SLC15A1: variants seen among roughly 807,000 people sequenced by gnomAD.
SLC15A1 encodes Caco-2 oligopeptide transporter.
Under a neutral mutation model 92.9 loss-of-function variants are expected in SLC15A1, and 83 were observed. That is an observed-to-expected ratio of 0.89 (90% CI 0.75 to 1.07). The LOEUF (loss-of-function observed/expected upper bound fraction) is 1.07, where lower values mean the gene tolerates loss of function less well. Among genes scored for constraint, SLC15A1 ranks in the 50% least tolerant of loss-of-function variants. SLC15A1 has a pLI of 0.00. For synonymous variants in SLC15A1, 322 were observed against 318.2 expected, an observed-to-expected ratio of 1.01 and a Z score of -0.13; for missense variants, 857 against 880.1, an observed-to-expected ratio of 0.97 and a Z score of 0.33.
intron 16 of SLC15A1, among the ~76,000 whole-genome samples, chr13:98,705,595 A>T (rs576829195): frequency 5.3e-4 from 81 of 152,288 alleles, no homozygotes; most frequent in Non-Finnish European, 6.8e-4. Context: ...CCTGCTGATT[A>T]AAAATCTGCA....
At position 98,688,517 on chromosome 13, in the gene SLC15A1, G is replaced by C. The variant is rs8187832; in HGVS notation, c.1527C>G (p.Asn509Lys). The C allele has an allele frequency of 3.3e-5, 53 of 1,614,010 alleles. No homozygotes were observed. Among genetic ancestry groups the C allele is most frequent in the Non-Finnish European group, 4.2e-5 (50 of 1,179,980 alleles). Residue 509 changes from asparagine (N) to lysine (K), a missense_variant, in exon 19 of 23, where the codon AAC (asparagine) becomes AAG (lysine). Physicochemically the swap from Asn to Lys is moderately conservative, Grantham distance 94 (BLOSUM62 0). Coordinates refer to ENST00000376503, the MANE Select transcript of SLC15A1 (RefSeq NM_005073.4). ...TITMSGKVYANISSYNASTYQ... is the reference protein window; with the variant it reads ...TITMSGKVYAKISSYNASTYQ... ...ATGTGCTGGCATTGTAGCTGCTGATGTTTGCATAAACTTTCCCACTCATTG... is the reference window on the plus strand; with the variant it reads ...ATGTGCTGGCATTGTAGCTGCTGATCTTTGCATAAACTTTCCCACTCATTG...
chr13:98,720,832 C>A (rs1218281079), intron 7 of SLC15A1: 2 of 305,756 alleles, frequency 6.5e-6, no homozygotes, highest in Admixed American at 4.2e-5. Context: ...AGGCAGATCA[C>A]GAGGGCAGGA....
chr13:98,728,433 T>A (rs764280898), intron 1 of SLC15A1, among the ~76,000 whole-genome samples: 6 of 152,152 alleles, frequency 3.9e-5, no homozygotes, highest in Non-Finnish European at 8.8e-5. Context: ...CTGGAGGACA[T>A]CAGGTTAAGT....
At chr13:98,715,580 A>C (rs1316724298) in intron 9 of SLC15A1, among the ~76,000 whole-genome samples, 1 of 152,184 alleles carries the variant, frequency 6.6e-6, no homozygotes, top group Admixed American at 6.5e-5. Context: ...TTTTTGATTC[A>C]CTGCTCCCTG....
intron 18 of SLC15A1, among the ~76,000 whole-genome samples, chr13:98,692,039 C>G (rs1031540750): frequency 2.0e-5 from 3 of 150,904 alleles, no homozygotes; most frequent in Non-Finnish European, 1.5e-5. Flanking sequence ...CACCATTGTA[C>G]TCCAGCCTAG....
chr13:98,685,194 G>A (rs577169386), intron 22 of SLC15A1, among the ~76,000 whole-genome samples: 1 of 152,324 alleles, frequency 6.6e-6, no homozygotes, highest in African/African-American at 2.4e-5. Context: ...CTGAAATACT[G>A]AAGCCTTAAG....
chr13:98,726,305 T>C (rs1183447112), intron 3 of SLC15A1, 41 bp from the exon 4 acceptor site: 15 of 1,612,956 alleles, frequency 9.3e-6, no homozygotes, highest in Non-Finnish European at 1.3e-5. Flanking sequence ...GGAAACAAAG[T>C]TAGGACTGGT....
Position 98,688,356 on chromosome 13 carries a change from T to C in SLC15A1, c.1575A>G (p.Ile525Met). The C allele has an allele frequency of 6.2e-7, 1 of 1,612,148 alleles. No homozygotes were observed. The highest frequency in any genetic ancestry group is 2.2e-5 in the East Asian group (1 of 44,840). ...CTGTTGAGCTTATTGTGAAGCCTTT[T>C]CTATCAAAATAAAGAATAATATTGG... ...ASTYQFFPSG[I>M]KGFTISSTEI... Residue 525 changes from isoleucine to methionine, a missense_variant and splice_region_variant, in exon 20 of 23, where the codon ATA becomes ATG. Transcript: ENST00000376503.
Position 98,721,860 on chromosome 13 carries a change from C to T in SLC15A1, c.409G>A (p.Gly137Arg). The change falls in exon 6 of 23, where the codon GGA becomes AGA. Residue 137 changes from glycine (G) to arginine (R), a missense_variant. Coordinates refer to ENST00000376503, the MANE Select transcript of SLC15A1 (RefSeq NM_005073.4). ...IGLALIALGT[G>R]GIKPCVSAFG... is the part of the protein sequence containing the mutation. Reference sequence around the variant, plus strand: ...GCAGACACACAGGGTTTGATTCCTCCAGTCCCGAGAGCTATCAGGGCCAGG... The same window carrying T: ...GCAGACACACAGGGTTTGATTCCTCTAGTCCCGAGAGCTATCAGGGCCAGG... The T allele has an allele frequency of 1.2e-6, 2 of 1,614,104 alleles. No homozygotes were observed. Among genetic ancestry groups the T allele is most frequent in the Non-Finnish European group, 1.7e-6 (2 of 1,180,030 alleles).
intron 1 of SLC15A1, 62 bp downstream of exon 1, chr13:98,752,533 G>A (rs929219955): frequency 6.3e-6 from 8 of 1,262,254 alleles, no homozygotes; most frequent in Non-Finnish European, 7.0e-6. Context: ...CCTCGGTGCC[G>A]GCCCCCGCCC....
At chr13:98,717,764 C>G (rs779347147) in intron 8 of SLC15A1, among the ~76,000 whole-genome samples, 5 of 152,140 alleles carry the variant, frequency 3.3e-5, no homozygotes, top group Non-Finnish European at 7.3e-5. Flanking sequence ...CCATGTACTA[C>G]TAAGATCTGA....
intron 1 of SLC15A1, among the ~76,000 whole-genome samples, chr13:98,737,569 C>CT (rs1278552180): frequency 1.3e-5 from 2 of 152,188 alleles, no homozygotes; most frequent in Non-Finnish European, 2.9e-5. Context: ...GACATGCCTG[C>CT]TCCCTCTTCA....
At chr13:98,742,286 G>A (rs1250140368) in intron 1 of SLC15A1, among the ~76,000 whole-genome samples, 2 of 152,208 alleles carry the variant, frequency 1.3e-5, no homozygotes, top group Admixed American at 6.5e-5. Flanking sequence ...CCTCCTACCT[G>A]TCGCCAGCCC....
At chr13:98,689,536 G>A (rs1019618455) in intron 18 of SLC15A1, among the ~76,000 whole-genome samples, 2 of 152,126 alleles carry the variant, frequency 1.3e-5, no homozygotes, top group African/African-American at 4.8e-5. Flanking sequence ...GCCTCGAACT[G>A]TGGGCCTCAA....
chr13:98,686,443 A>C, intron 21 of SLC15A1, 146 bp from the exon 22 acceptor site: 1 of 641,856 alleles, frequency 1.6e-6, no homozygotes, highest in Non-Finnish European at 2.8e-6. Context: ...AAGGATCATC[A>C]CTTAAGTAAC....
At chr13:98,700,476 C>T (rs1375894283) in intron 18 of SLC15A1, among the ~76,000 whole-genome samples, 1 of 69,714 alleles carries the variant, frequency 1.4e-5, no homozygotes, top group Non-Finnish European at 2.3e-5. Context: ...TAGAGCAAGA[C>T]CCTGTCTCAA....
At position 98,704,358 on chromosome 13, in the gene SLC15A1, A is replaced by G. The variant is rs1339067; in HGVS notation, c.1347T>C (p.Ala449=). The change falls in exon 17 of 23, where the codon GCT becomes GCC. Residue 449 remains alanine, a synonymous_variant. Coordinates refer to ENST00000376503, the MANE Select transcript of SLC15A1 (RefSeq NM_005073.4). ...NISSPGSPVT[A]VTDDFKQGQR... ...GGCCCTGCTTGAAGTCGTCAGTTACAGCAGTGACTGGTGATCCAGGAGAAG... is the reference window on the plus strand; with the variant it reads ...GGCCCTGCTTGAAGTCGTCAGTTACGGCAGTGACTGGTGATCCAGGAGAAG... The G allele has an allele frequency of 0.65, 1,053,940 of 1,613,176 alleles. 349,543 individuals carry two copies. Among genetic ancestry groups the G allele is most frequent in the African/African-American group, 0.83 (61,904 of 74,926 alleles).
Position 98,724,015 on chromosome 13 carries a change from A to T in SLC15A1, c.262T>A (p.Ser88Thr), listed in dbSNP as rs2088279789. Residue 88 changes from serine (S) to threonine (T), a missense_variant, in exon 5 of 23, where the codon TCC becomes ACC. Coordinates refer to ENST00000376503, the MANE Select transcript of SLC15A1 (RefSeq NM_005073.4). ...LGKFKTIVSL[S>T]IVYTIGQAVT... ...GCTTGTCCAATTGTGTAGACAATGG[A>T]GAGCGACACAATGGTCCTGTGTTTC... 2 of 1,614,092 alleles carry T rather than the reference A, an allele frequency of 1.2e-6. No homozygotes were observed. The highest frequency in any genetic ancestry group is 1.1e-5 in the South Asian group (1 of 91,074).
intron 16 of SLC15A1, 100 bp from the exon 17 acceptor site, chr13:98,704,535 G>T: frequency 8.0e-7 from 1 of 1,243,960 alleles, no homozygotes; most frequent in South Asian, 1.5e-5. Context: ...GCATTTCCAG[G>T]TTCATGTTCA....
Sources: allele counts gnomAD v4.1 joint callset (sites outside exome capture counted in the v4.1 genomes callset), GRCh38; gene constraint gnomAD v4.1.1; transcripts MANE v1.5; gene names NCBI Gene and HGNC (gene_info 2026-07-23, HGNC 2026-07-21).